Variants in RHEB observed in about 807,000 individuals in gnomAD.
RHEB encodes the protein Ras homolog, mTORC1 binding, also known as GTP-binding protein Rheb.
A neutral mutation model predicts 28.8 loss-of-function variants in RHEB; 2 were observed. The observed-to-expected ratio is 0.07, with a 90% CI of 0.03 to 0.22. The LOEUF (loss-of-function observed/expected upper bound fraction) is 0.22, where lower values mean the gene tolerates loss of function less well. Among genes scored for constraint, RHEB ranks in the 10% least tolerant of loss-of-function variants. The pLI is 1.00. For synonymous variants in RHEB, 69 were observed against 77.3 expected, an observed-to-expected ratio of 0.89 and a Z score of 0.56; for missense variants, 76 against 219.9, an observed-to-expected ratio of 0.35 and a Z score of 4.14.
At chr7:151,500,138 C>G (rs1479368733) in intron 1 of RHEB, among the ~76,000 whole-genome samples, 1 of 152,166 alleles carries the variant, frequency 6.6e-6, no homozygotes, top group South Asian at 2.1e-4. Flanking sequence ...TGAAGATTTA[C>G]TTTCAAAAGC....
intron 6 of RHEB, 94 bp from the exon 7 acceptor site, chr7:151,470,746 A>G: frequency 2.4e-6 from 2 of 827,890 alleles, no homozygotes; most frequent in Non-Finnish European, 3.9e-6. Flanking sequence ...ATTTTGGTCA[A>G]TTTCTTTCTC....
In RHEB at chr7:151,490,310, G is replaced by A. The variant is rs1019054795; in HGVS notation, c.124+633C>T. ...AATAAAATAAATAAATAGTCTCATG[G>A]TCCTAGAATCCATCAGGAATATTCT... On this transcript the variant is annotated intron_variant, in intron 2 of 7. Coordinates refer to ENST00000262187, the MANE Select transcript of RHEB (RefSeq NM_005614.4). Among the ~76,000 whole-genome samples, 5 of 152,276 alleles carry A rather than the reference G, an allele frequency of 3.3e-5. No homozygotes were observed. In the South Asian group the frequency reaches 6.2e-4, roughly 19 times the overall value.
intron 1 of RHEB, among the ~76,000 whole-genome samples, chr7:151,504,317 G>T (rs999168429): frequency 2.6e-5 from 4 of 152,016 alleles, no homozygotes; most frequent in African/African-American, 9.7e-5. Flanking sequence ...ATTTAAGTGG[G>T]GGGAAAAAAT....
intron 1 of RHEB, among the ~76,000 whole-genome samples, chr7:151,516,030 G>C (rs185647441): frequency 7.2e-6 from 1 of 138,060 alleles, no homozygotes; most frequent in Admixed American, 7.5e-5. Flanking sequence ...GACAGTTTAC[G>C]TAACACTACC....
chr7:151,519,317 G>T, intron 1 of RHEB, 143 bp downstream of exon 1: 1 of 480,524 alleles, frequency 2.1e-6, no homozygotes, highest in Non-Finnish European at 3.0e-6. Flanking sequence ...CCTCCGCTCA[G>T]AATGGTGGTT....
At chr7:151,485,623 A>G (rs1802458311) in intron 2 of RHEB, among the ~76,000 whole-genome samples, 1 of 152,220 alleles carries the variant, frequency 6.6e-6, no homozygotes, top group Non-Finnish European at 1.5e-5. Context: ...AGAGCCAGGC[A>G]GCAGAATCTA....
At chr7:151,491,102 G>C (rs1802573856) in intron 1 of RHEB, 88 bp from the exon 2 acceptor site, 7 of 842,336 alleles carry the variant, frequency 8.3e-6, no homozygotes, top group Admixed American at 6.7e-5. Context: ...ACCATTAATA[G>C]ATGAAGACAC....
At position 151,479,642 on chromosome 7, in the gene RHEB, C is replaced by T. The variant is rs182342072; in HGVS notation, c.193-2227G>A. Among the ~76,000 whole-genome samples the T allele has an allele frequency of 2.1e-3, 300 of 142,104 alleles. 1 individual carries two copies. The highest frequency in any genetic ancestry group is 7.6e-3 in the African/African-American group (288 of 37,768). The allele number at this position is 142,104 out of a possible 152,430, so 93.2% of individuals were successfully genotyped here. ...AGCTTGCAGTGAGCCGAGATCGCGC[C>T]ACAGCACTCCAGCCTGGGCGATAGA... On this transcript the variant is annotated intron_variant, in intron 3 of 7. Coordinates refer to ENST00000262187, the MANE Select transcript of RHEB (RefSeq NM_005614.4).
chr7:151,490,486 A>G (rs1420204710), intron 2 of RHEB, among the ~76,000 whole-genome samples: 1 of 152,202 alleles, frequency 6.6e-6, no homozygotes, highest in Non-Finnish European at 1.5e-5. Flanking sequence ...AGAATAGTTC[A>G]TTTCTCTTTC....
chr7:151,500,444 T>C (rs967774842), intron 1 of RHEB, among the ~76,000 whole-genome samples: 1 of 152,044 alleles, frequency 6.6e-6, no homozygotes, highest in African/African-American at 2.4e-5. Context: ...TGGAAGAAAA[T>C]GCACACTCCC....
chr7:151,470,712 T>C, intron 6 of RHEB, 60 bp from the exon 7 acceptor site: 2 of 1,176,422 alleles, frequency 1.7e-6, no homozygotes, highest in Non-Finnish European at 2.5e-6. Flanking sequence ...AAAACATGTA[T>C]AATTGATTTA....
intron 1 of RHEB, among the ~76,000 whole-genome samples, chr7:151,512,707 G>A (rs1026762904): frequency 6.6e-6 from 1 of 152,210 alleles, no homozygotes; most frequent in African/African-American, 2.4e-5. Flanking sequence ...CAGCATTTAG[G>A]ATGCAGTCAC....
rs773158359 is a variant in RHEB at position 151,470,625 on chromosome 7, A to G, written c.408T>C (p.Ala136=). ...ERVISYEEGK[A]LAESWNAAFL... ...AAGCTGCATTCCAAGATTCTGCCAA[A>G]GCTTTCCCTTCTTCATAACTGATCA... Residue 136 remains alanine, a synonymous_variant, in exon 7 of 8, where the codon GCT becomes GCC. Transcript: ENST00000262187. The G allele has an allele frequency of 6.2e-7, 1 of 1,613,278 alleles. No homozygotes were observed. Among genetic ancestry groups the G allele is most frequent in the Non-Finnish European group, 8.5e-7 (1 of 1,179,304 alleles).
At chr7:151,479,428 A>ATCCCAGCACTTTGG (rs1014095191) in intron 3 of RHEB, among the ~76,000 whole-genome samples, 6 of 152,210 alleles carry the variant, frequency 3.9e-5, no homozygotes, top group Non-Finnish European at 8.8e-5. Context: ...CACGTCTGTA[A>ATCCCAGCACTTTGG]TCCCAGCACT....
intron 1 of RHEB, chr7:151,498,168 T>C (rs1802706484): frequency 7.8e-7 from 1 of 1,289,584 alleles, no homozygotes; most frequent in Non-Finnish European, 1.0e-6. Flanking sequence ...GCGTAGGTCC[T>C]GGCTTGAGGA....
intron 3 of RHEB, among the ~76,000 whole-genome samples, chr7:151,482,388 G>C (rs562478473): frequency 6.6e-6 from 1 of 152,166 alleles, no homozygotes; most frequent in Non-Finnish European, 1.5e-5. Flanking sequence ...AAGGGCATGA[G>C]CCACCATGCC....
rs116414142 is a variant in RHEB, at chr7:151,514,527, C to T, written c.52+4933G>A. Among the ~76,000 whole-genome samples the T allele has an allele frequency of 1.6e-3, 246 of 152,098 alleles. 1 individual carries two copies. Among genetic ancestry groups the T allele is most frequent in the African/African-American group, 5.8e-3 (240 of 41,442 alleles). On this transcript the variant is annotated intron_variant, in intron 1 of 7. Coordinates refer to ENST00000262187, the MANE Select transcript of RHEB (RefSeq NM_005614.4). ...AAAAAGGCAGTGTAACAATTGTTGA[C>T]GAGAATGTGGAGAAAATTAAACCCT...
At chr7:151,478,428 A>T (rs1168425727) in intron 3 of RHEB, among the ~76,000 whole-genome samples, 1 of 151,914 alleles carries the variant, frequency 6.6e-6, no homozygotes, top group Non-Finnish European at 1.5e-5. Flanking sequence ...TTTATTATAA[A>T]TTCTTTGATA....
intron 1 of RHEB, among the ~76,000 whole-genome samples, chr7:151,517,470 G>T (rs1409499166): frequency 6.6e-6 from 1 of 152,010 alleles, no homozygotes; most frequent in South Asian, 2.1e-4. Flanking sequence ...TGGAGAAGTG[G>T]GGTAGGTTGC....
Sources: allele counts gnomAD v4.1 joint callset (sites outside exome capture counted in the v4.1 genomes callset), GRCh38; gene constraint gnomAD v4.1.1; transcripts MANE v1.5; gene names NCBI Gene and HGNC (gene_info 2026-07-23, HGNC 2026-07-21).